Variants in PPP2R5E observed in about 807,000 individuals in gnomAD.
PPP2R5E encodes protein phosphatase 2 regulatory subunit B'epsilon, also known as serine/threonine-protein phosphatase 2A 56 kDa regulatory subunit epsilon isoform.
PPP2R5E carries 4 observed loss-of-function variants against 65.3 expected under a neutral mutation model. The observed-to-expected ratio is 0.06, with a 90% CI of 0.03 to 0.14. PPP2R5E has a LOEUF of 0.14. Ranked by LOEUF, PPP2R5E falls within the 10% of genes least tolerant of loss-of-function variation. The pLI, the probability that PPP2R5E is intolerant of heterozygous loss-of-function variation, is 1.00. For synonymous variants in PPP2R5E, 183 were observed against 187.4 expected, an observed-to-expected ratio of 0.98 and a Z score of 0.19; for missense variants, 274 against 556.1, an observed-to-expected ratio of 0.49 and a Z score of 5.10.
chr14:63,503,301 T>C (rs1891989170), intron 2 of PPP2R5E, among the ~76,000 whole-genome samples: 1 of 152,060 alleles, frequency 6.6e-6, no homozygotes, highest in East Asian at 1.9e-4. Context: ...GAGGAATGAA[T>C]AGAGCAAAGG....
chr14:63,518,019 T>G (rs937966216), intron 2 of PPP2R5E, among the ~76,000 whole-genome samples: 1 of 150,974 alleles, frequency 6.6e-6, no homozygotes, highest in Non-Finnish European at 1.5e-5. Flanking sequence ...TTGTGTACTT[T>G]AATAACACAG....
chr14:63,487,353 AC>A (rs142693850), intron 2 of PPP2R5E, among the ~76,000 whole-genome samples: 43 of 150,702 alleles, frequency 2.9e-4, no homozygotes, highest in Non-Finnish European at 4.7e-4. Context: ...ATAATTTACC[AC>A]CCCCCCCTCT....
intron 5 of PPP2R5E, among the ~76,000 whole-genome samples, chr14:63,398,261 G>A (rs1413164937): frequency 3.3e-5 from 5 of 152,084 alleles, no homozygotes; most frequent in African/African-American, 1.2e-4. Context: ...AAATTCATAT[G>A]GAAATGCAAG....
Position 63,531,094 on chromosome 14 carries a change from G to A in PPP2R5E, c.157+8435C>T, listed in dbSNP as rs2139757752. On this transcript the variant is annotated intron_variant, in intron 2 of 13. Coordinates refer to ENST00000337537, the MANE Select transcript of PPP2R5E (RefSeq NM_006246.5). ...AATACAGGAGAATTTCCTGAACTCG[G>A]GAGGCGGAGGTTGCAGAGAGCCAAG... Among the ~76,000 whole-genome samples, 6 of 152,242 alleles carry A rather than the reference G, an allele frequency of 3.9e-5. No individual in the cohort carries two copies. In the Middle Eastern group the frequency reaches 0.017, roughly 432 times the overall value.
chr14:63,394,029 CAA>C (rs1885184174), intron 7 of PPP2R5E, 101 bp from the exon 8 acceptor site: 2 of 384,842 alleles, frequency 5.2e-6, no homozygotes, highest in African/African-American at 2.2e-5. Flanking sequence ...TTTGTTTGTA[CAA>C]AACAACATAA....
At chr14:63,381,084 G>A (rs972950079) in intron 13 of PPP2R5E, among the ~76,000 whole-genome samples, 11 of 152,196 alleles carry the variant, frequency 7.2e-5, no homozygotes, top group Admixed American at 1.3e-4. Flanking sequence ...AACCACAGGC[G>A]CAACTACTAA....
intron 5 of PPP2R5E, among the ~76,000 whole-genome samples, chr14:63,399,316 G>A (rs1351111954): frequency 6.9e-6 from 1 of 145,018 alleles, no homozygotes; most frequent in Non-Finnish European, 1.5e-5. Flanking sequence ...CAAATCCATA[G>A]TGACAGAAAG....
Position 63,377,065 on chromosome 14 carries a change from G to A in PPP2R5E, c.1305-957C>T, listed in dbSNP as rs980197353. On this transcript the variant is annotated intron_variant, in intron 13 of 13. Coordinates refer to ENST00000337537, the MANE Select transcript of PPP2R5E (RefSeq NM_006246.5). Reference sequence around the variant, plus strand: ...GGAGAATCGCTTGAACCCGGGGGGCGGAGATTGTGGTGGACGGAGATTGCA... The same window carrying A: ...GGAGAATCGCTTGAACCCGGGGGGCAGAGATTGTGGTGGACGGAGATTGCA... Among the ~76,000 whole-genome samples, 15 of 151,942 alleles carry A rather than the reference G, an allele frequency of 9.9e-5. No individual in the cohort carries two copies. The East Asian group carries it at 1.7e-3, about 18-fold the overall frequency.
chr14:63,420,381 T>C (rs1886937240), intron 4 of PPP2R5E, among the ~76,000 whole-genome samples: 1 of 152,154 alleles, frequency 6.6e-6, no homozygotes, highest in African/African-American at 2.4e-5. Flanking sequence ...CAATCTGGGA[T>C]ATACCTATGA....
intron 4 of PPP2R5E, among the ~76,000 whole-genome samples, chr14:63,418,640 A>G (rs1886830829): frequency 6.7e-6 from 1 of 148,496 alleles, no homozygotes; most frequent in South Asian, 2.1e-4. Context: ...ATTGTAAATG[A>G]AAGTCCTATA....
chr14:63,417,019 T>C (rs542347044), intron 4 of PPP2R5E, among the ~76,000 whole-genome samples: 78 of 152,338 alleles, frequency 5.1e-4, no homozygotes, highest in African/African-American at 1.8e-3. Flanking sequence ...TAAAGATTAG[T>C]TGCAACACAG....
chr14:63,401,468 T>C (rs1885748935), intron 5 of PPP2R5E, among the ~76,000 whole-genome samples: 2 of 152,176 alleles, frequency 1.3e-5, no homozygotes, highest in Non-Finnish European at 1.5e-5. Flanking sequence ...CCTGTCAACA[T>C]ACTAACTCCA....
chr14:63,527,374 C>T (rs1313087051), intron 2 of PPP2R5E, among the ~76,000 whole-genome samples: 2 of 152,182 alleles, frequency 1.3e-5, no homozygotes, highest in Non-Finnish European at 2.9e-5. Flanking sequence ...GTATAATTCT[C>T]ACAGCTGTAT....
At chr14:63,402,070 A>C (rs995388482) in intron 5 of PPP2R5E, among the ~76,000 whole-genome samples, 1 of 145,874 alleles carries the variant, frequency 6.9e-6, no homozygotes, top group African/African-American at 2.8e-5. Flanking sequence ...GACATCATAC[A>C]CGTTAAGTAA....
intron 13 of PPP2R5E, among the ~76,000 whole-genome samples, chr14:63,378,068 A>T (rs1884091620): frequency 6.6e-6 from 1 of 152,198 alleles, no homozygotes; most frequent in Non-Finnish European, 1.5e-5. Flanking sequence ...CTGTTTGACA[A>T]ATTATCACTT....
chr14:63,485,815 T>C (rs528292315), intron 2 of PPP2R5E, among the ~76,000 whole-genome samples: 44 of 150,992 alleles, frequency 2.9e-4, no homozygotes, highest in Admixed American at 1.3e-3. Context: ...ATTGTACATA[T>C]ACTGACAAAC....
At chr14:63,449,564 C>T (rs1050446527) in intron 3 of PPP2R5E, among the ~76,000 whole-genome samples, 2 of 152,044 alleles carry the variant, frequency 1.3e-5, no homozygotes, top group Non-Finnish European at 1.5e-5. Flanking sequence ...CCAAGTGGGA[C>T]GTGGTTCCAG....
At chr14:63,530,237 T>TTTG (rs1566765551) in intron 2 of PPP2R5E, among the ~76,000 whole-genome samples, 3 of 146,554 alleles carry the variant, frequency 2.0e-5, no homozygotes, top group Non-Finnish European at 4.5e-5. Flanking sequence ...TTTTTTTTTT[T>TTTG]TTTTTTTTTT....
chr14:63,524,064 A>G (rs932343069), intron 2 of PPP2R5E, among the ~76,000 whole-genome samples: 4 of 152,210 alleles, frequency 2.6e-5, no homozygotes, highest in Admixed American at 1.3e-4. Flanking sequence ...TCAAGTCTGT[A>G]TCTCCCTTAT....
Sources: gnomAD v4.1 joint callset for allele counts (sites outside exome capture counted in the v4.1 genomes callset) on GRCh38, gnomAD v4.1.1 for gene constraint, MANE v1.5 for transcripts, NCBI Gene and HGNC (gene_info 2026-07-23, HGNC 2026-07-21) for gene names.